BRIP1: variants seen among roughly 807,000 people sequenced by gnomAD.
BRIP1 encodes Fanconi anemia group J protein.
BRIP1 carries 88 observed loss-of-function variants against 119.7 expected under a neutral mutation model. That is an observed-to-expected ratio of 0.74 (90% CI 0.62 to 0.88). The LOEUF (loss-of-function observed/expected upper bound fraction) is 0.88, where lower values mean the gene tolerates loss of function less well. Ranked by LOEUF, BRIP1 falls within the 40% of genes least tolerant of loss-of-function variation. BRIP1 has a pLI of 0.00. For missense variants in BRIP1, 1,259 were observed against 1,455.4 expected, an observed-to-expected ratio of 0.87 and a Z score of 2.20; for synonymous variants, 443 against 496.5, an observed-to-expected ratio of 0.89 and a Z score of 1.43.
intron 11 of BRIP1, among the ~76,000 whole-genome samples, chr17:61,781,838 T>G (rs770968183): frequency 6.6e-6 from 1 of 150,704 alleles, no homozygotes; most frequent in Non-Finnish European, 1.5e-5. Flanking sequence ...GGAGAATCAC[T>G]TGAACCCGGG....
In BRIP1 at chr17:61,776,249, G is replaced by A. The variant is rs1278074267; in HGVS notation, c.2097+152C>T. The stretch of plus-strand genomic sequence containing the variant: ...AGGCAGTATCTTAATCAAAAAATAA[G>A]TAAAATAATATGTGATGTTTAGAAA... On this transcript the variant is annotated intron_variant, in intron 14 of 19. Transcript: ENST00000259008. This position sits in a 1 kb window ranked among gnomAD's most constrained non-coding sequence, Gnocchi z 5.0. 1.2e-6 allele frequency: 1 copy of A among 825,852 alleles called. No homozygotes were observed. The highest frequency in any genetic ancestry group is 1.9e-6 in the Non-Finnish European group (1 of 525,156). 51.2% of individuals were successfully genotyped at this position (825,852 alleles called of 1,614,324 possible).
intron 14 of BRIP1, among the ~76,000 whole-genome samples, chr17:61,749,465 G>A (rs2144744708): frequency 6.6e-6 from 1 of 152,036 alleles, no homozygotes; most frequent in Non-Finnish European, 1.5e-5. Context: ...CTCCAAAGAA[G>A]ACATACAAAT....
rs1267093249 is a variant in BRIP1 at position 61,691,138 on chromosome 17, C to T, written c.2575+2292G>A. Among the ~76,000 whole-genome samples, 4 of 151,698 alleles carry T rather than the reference C, an allele frequency of 2.6e-5. No homozygotes were observed. Among genetic ancestry groups the T allele is most frequent in the South Asian group, 4.2e-4 (2 of 4,816 alleles). On this transcript the variant is annotated intron_variant, in intron 18 of 19. Transcript: ENST00000259008. The surrounding 1 kb of genome is among the most constrained non-coding windows in gnomAD (Gnocchi z 5.0). ...CATTAGGAGATATACCTAATGTAAA[C>T]GACAAGTTAATGGGTGCAGCACACT...
intron 6 of BRIP1, among the ~76,000 whole-genome samples, chr17:61,820,333 A>G (rs527694929): frequency 5.3e-5 from 8 of 152,150 alleles, no homozygotes; most frequent in Non-Finnish European, 1.0e-4. Context: ...GAGGTCCACA[A>G]ATCATACCTG....
chr17:61,851,817 T>C lies in BRIP1; in HGVS notation c.380-2561A>G, dbSNP rs1355448654. Reference sequence around the variant, plus strand: ...CTGCATGTCCAGGCAACCAGTAAAATAACCACAAAATAAACCTAGATCAGT... The same window carrying C: ...CTGCATGTCCAGGCAACCAGTAAAACAACCACAAAATAAACCTAGATCAGT... On this transcript the variant is annotated intron_variant, in intron 4 of 19. Coordinates refer to ENST00000259008, the MANE Select transcript of BRIP1 (RefSeq NM_032043.3). The surrounding 1 kb of genome is among the most constrained non-coding windows in gnomAD (Gnocchi z 4.6). 6.6e-6 allele frequency among the ~76,000 whole-genome samples: 1 copy of C among 152,072 alleles called. No individual in the cohort carries two copies. Among genetic ancestry groups the C allele is most frequent in the Non-Finnish European group, 1.5e-5 (1 of 68,008 alleles).
Position 61,761,451 on chromosome 17 carries a change from A to G in BRIP1, c.2097+14950T>C, listed in dbSNP as rs190226466. 3.7e-4 allele frequency among the ~76,000 whole-genome samples: 56 copies of G among 152,100 alleles called. No individual in the cohort carries two copies. The highest frequency in any genetic ancestry group is 1.3e-3 in the African/African-American group (54 of 41,546). ...AAGAAATAAAAAGCATCCAAATAGA[A>G]AAGAAAAAAGTGAAACTGCCCCTGT... On this transcript the variant is annotated intron_variant, in intron 14 of 19. Coordinates refer to ENST00000259008, the MANE Select transcript of BRIP1 (RefSeq NM_032043.3). This position sits in a 1 kb window ranked among gnomAD's most constrained non-coding sequence, Gnocchi z 6.4.
intron 16 of BRIP1, among the ~76,000 whole-genome samples, chr17:61,719,910 C>A (rs1263596673): frequency 6.6e-6 from 1 of 152,036 alleles, no homozygotes; most frequent in East Asian, 1.9e-4. Flanking sequence ...CTTACTTCAG[C>A]CTTGACCTCC....
intron 14 of BRIP1, among the ~76,000 whole-genome samples, chr17:61,765,380 T>C (rs9913512): frequency 3.5e-5 from 1 of 28,264 alleles, no homozygotes; most frequent in African/African-American, 1.5e-4. Flanking sequence ...GTGTATATAT[T>C]ATATATATAT....
rs1603275371 is a variant in BRIP1 at position 61,683,813 on chromosome 17, T to C, written c.3233A>G (p.Lys1078Arg). The C allele has an allele frequency of 6.2e-7, 1 of 1,614,182 alleles. No homozygotes were observed. Reference protein sequence around the residue: ...PQSETIISSLKIDATLTRKNH... With the variant: ...PQSETIISSLRIDATLTRKNH... ...TTTTCTAGTAAGGGTGGCATCAATC[T>C]TTAATGATGAAATAATGGTTTCTGA... Residue 1078 changes from lysine to arginine, a missense_variant, in exon 20 of 20, where the codon AAG becomes AGG. By Grantham distance (26) the Lys-to-Arg change is conservative. Transcript: ENST00000259008. The surrounding 1 kb of genome is among the most constrained non-coding windows in gnomAD (Gnocchi z 4.7).
Position 61,780,172 on chromosome 17 carries a change from T to A in BRIP1, c.1935+89A>T, listed in dbSNP as rs2077591797. The A allele has an allele frequency of 1.5e-6, 2 of 1,367,352 alleles. No homozygotes were observed. The highest frequency in any genetic ancestry group is 2.0e-6 in the Non-Finnish European group (2 of 976,046). The allele number at this position is 1,367,352 out of a possible 1,614,324, so 84.7% of individuals were successfully genotyped here. ...GAATTTCCTACCAAGATTTACTTGC[T>A]GGCACTTCAGGTATCTTCTAACTTG... On this transcript the variant is annotated intron_variant, in intron 13 of 19. Transcript: ENST00000259008. The surrounding 1 kb of genome is among the most constrained non-coding windows in gnomAD (Gnocchi z 5.4).
rs367589765 is a variant in BRIP1 at position 61,722,111 on chromosome 17, G to A, written c.2380-6048C>T. Among the ~76,000 whole-genome samples, 3 of 143,498 alleles carry A rather than the reference G, an allele frequency of 2.1e-5. No individual in the cohort carries two copies. Among genetic ancestry groups the A allele is most frequent in the South Asian group, 4.5e-4 (2 of 4,448 alleles). 94.1% of individuals were successfully genotyped at this position (143,498 alleles called of 152,430 possible). A position where few individuals can be genotyped will look rare whatever the true frequency, so the allele number is the denominator to read the frequency against. Reference sequence around the variant, plus strand: ...GGCTGGAGTACGGTGGCATGATCTCGGCTCACTGCAACTTCTGCCTCTTGG... The same window carrying A: ...GGCTGGAGTACGGTGGCATGATCTCAGCTCACTGCAACTTCTGCCTCTTGG... On this transcript the variant is annotated intron_variant, in intron 16 of 19. Transcript: ENST00000259008. This position sits in a 1 kb window ranked among gnomAD's most constrained non-coding sequence, Gnocchi z 4.6.
chr17:61,820,175 A>G (rs2078299171), intron 6 of BRIP1, among the ~76,000 whole-genome samples: 2 of 152,182 alleles, frequency 1.3e-5, no homozygotes, highest in Non-Finnish European at 1.5e-5. Context: ...CATCAAAATA[A>G]TTTACAGTTG....
rs984468229 is a variant in BRIP1 at position 61,698,942 on chromosome 17, C to T, written c.2493-5430G>A. On this transcript the variant is annotated intron_variant, in intron 17 of 19. Transcript: ENST00000259008. ...ATGTTACCTAGGCTAGTCTTGAACTCCTAAGCTCAAGCGATCTGCCCACCT... is the reference window on the plus strand; with the variant it reads ...ATGTTACCTAGGCTAGTCTTGAACTTCTAAGCTCAAGCGATCTGCCCACCT... 7.2e-5 allele frequency among the ~76,000 whole-genome samples: 11 copies of T among 152,210 alleles called. No homozygotes were observed. The East Asian group carries it at 1.9e-3, about 27-fold the overall frequency.
chr17:61,711,112 G>A (rs980001334), intron 17 of BRIP1, among the ~76,000 whole-genome samples: 1 of 151,030 alleles, frequency 6.6e-6, no homozygotes, highest in Non-Finnish European at 1.5e-5. Flanking sequence ...ACATCAAGTA[G>A]CAACATGCAT....
chr17:61,801,757 G>C (rs542999785), intron 7 of BRIP1, among the ~76,000 whole-genome samples: 15 of 152,016 alleles, frequency 9.9e-5, no homozygotes, highest in African/African-American at 3.6e-4. Flanking sequence ...TGTTTGTTAT[G>C]CCTTTTTTTT....
rs2077041413 is a variant in BRIP1 at position 61,745,017 on chromosome 17, T to C, written c.2098-426A>G. 6.6e-6 allele frequency among the ~76,000 whole-genome samples: 1 copy of C among 152,164 alleles called. No homozygotes were observed. The highest frequency in any genetic ancestry group is 2.4e-5 in the African/African-American group (1 of 41,446). ...AGTTAACAAACTTTAAGTTCTCTCT[T>C]TAAACCTAAGGTGAAGTTTCTTAAT... On this transcript the variant is annotated intron_variant, in intron 14 of 19. Coordinates refer to ENST00000259008, the MANE Select transcript of BRIP1 (RefSeq NM_032043.3). The surrounding 1 kb of genome is among the most constrained non-coding windows in gnomAD (Gnocchi z 4.4).
At chr17:61,859,641 C>T (rs892736331) in intron 3 of BRIP1, among the ~76,000 whole-genome samples, 155 bp downstream of exon 3, 2 of 152,168 alleles carry the variant, frequency 1.3e-5, no homozygotes, top group Non-Finnish European at 2.9e-5. Flanking sequence ...TATATTGAAA[C>T]TCTTTTGGAA....
rs2076979062 is a variant in BRIP1, at chr17:61,740,954, C to G, written c.2379+2059G>C. ...CTCTATCATGTGACTCTTCCTTTCACAATAGATTTCTCTGTGGCATAAGAT... is the reference window on the plus strand; with the variant it reads ...CTCTATCATGTGACTCTTCCTTTCAGAATAGATTTCTCTGTGGCATAAGAT... On this transcript the variant is annotated intron_variant, in intron 16 of 19. Coordinates refer to ENST00000259008, the MANE Select transcript of BRIP1 (RefSeq NM_032043.3). The surrounding 1 kb of genome is among the most constrained non-coding windows in gnomAD (Gnocchi z 5.4). Among the ~76,000 whole-genome samples, 1 of 152,104 alleles carries G rather than the reference C, an allele frequency of 6.6e-6. No homozygotes were observed. The highest frequency in any genetic ancestry group is 6.6e-5 in the Admixed American group (1 of 15,258).
chr17:61,699,612 G>A lies in BRIP1; in HGVS notation c.2493-6100C>T, dbSNP rs1474690655. ...CATATAAATTATATCTTTAAACATT[G>A]TATGCTGGTGCAGAAGAATTAACAT... On this transcript the variant is annotated intron_variant, in intron 17 of 19. Transcript: ENST00000259008. This position sits in a 1 kb window ranked among gnomAD's most constrained non-coding sequence, Gnocchi z 4.8. 6.6e-6 allele frequency among the ~76,000 whole-genome samples: 1 copy of A among 152,010 alleles called. No homozygotes were observed. Among genetic ancestry groups the A allele is most frequent in the Non-Finnish European group, 1.5e-5 (1 of 68,002 alleles).
Sources: gnomAD v4.1 joint callset for allele counts (sites outside exome capture counted in the v4.1 genomes callset) on GRCh38, gnomAD v4.1.1 for gene constraint, Gnocchi (gnomAD v3.1) non-coding constraint, MANE v1.5 for transcripts, NCBI Gene and HGNC (gene_info 2026-07-23, HGNC 2026-07-21) for gene names.